LRP1B: variants seen among roughly 807,000 people sequenced by gnomAD.
LRP1B encodes low-density lipoprotein receptor-related protein 1B.
In LRP1B, 217 loss-of-function variants were observed where a neutral mutation model predicts 556.6. The ratio of observed to expected loss-of-function variants is 0.39; its 90% CI spans 0.35 to 0.44. The LOEUF is 0.44. Ranked by LOEUF, LRP1B falls within the 20% of genes least tolerant of loss-of-function variation. LRP1B has a pLI of 1.00. For missense variants in LRP1B, 5,053 were observed against 5,620.8 expected (o/e 0.90, Z 3.23); for synonymous variants, 2,047 against 1,865.8 (o/e 1.10, Z -2.50).
chr2:140,605,742 T>C (rs1682845426), intron 41 of LRP1B, among the ~76,000 whole-genome samples: 1 of 149,618 alleles, frequency 6.7e-6, no homozygotes, highest in Admixed American at 6.7e-5. Context: ...ATACGGTCTC[T>C]CTCATTGCAA....
chr2:141,742,762 C>G (rs1232915476), intron 2 of LRP1B, among the ~76,000 whole-genome samples: 1 of 151,966 alleles, frequency 6.6e-6, no homozygotes, highest in Non-Finnish European at 1.5e-5. Context: ...GAATATCTTC[C>G]CACTTTTTGG....
At chr2:141,039,035 T>C (rs1278908903) in intron 11 of LRP1B, among the ~76,000 whole-genome samples, 1 of 152,092 alleles carries the variant, frequency 6.6e-6, no homozygotes, top group Non-Finnish European at 1.5e-5. Context: ...AAATACTAAA[T>C]GGAAAATTCC....
In LRP1B at chr2:141,139,241, G is replaced by T. The variant is rs572694419; in HGVS notation, c.1013+49180C>A. Among the ~76,000 whole-genome samples the T allele has an allele frequency of 9.9e-5, 15 of 151,840 alleles. No homozygotes were observed. In the South Asian group the frequency reaches 2.9e-3, roughly 29 times the overall value. ...GATGAATCATAAAATGAAATGTAAA[G>T]TCCTGAACTATAAAACTCCTAGAAG... is the stretch of plus-strand genomic sequence containing the variant. On this transcript the variant is annotated intron_variant, in intron 7 of 90. Transcript: ENST00000389484.
At chr2:140,397,897 C>T (rs1684321961) in intron 66 of LRP1B, among the ~76,000 whole-genome samples, 1 of 152,106 alleles carries the variant, frequency 6.6e-6, no homozygotes, top group Admixed American at 6.6e-5. Context: ...TTATCTTGTT[C>T]TGTATACATT....
intron 1 of LRP1B, among the ~76,000 whole-genome samples, chr2:141,833,806 GA>G (rs1320743776): frequency 6.6e-5 from 10 of 151,768 alleles, no homozygotes; most frequent in South Asian, 2.1e-4. Context: ...AAGGAATAGA[GA>G]TGAGGGCACC....
chr2:142,040,763 A>G (rs1243426056), intron 1 of LRP1B, among the ~76,000 whole-genome samples: 1 of 151,398 alleles, frequency 6.6e-6, no homozygotes, highest in Admixed American at 6.6e-5. Context: ...TTCAAAGGAA[A>G]TGGAAGACTG....
intron 2 of LRP1B, among the ~76,000 whole-genome samples, chr2:141,531,005 C>T (rs578174356): frequency 3.6e-3 from 538 of 148,920 alleles, no homozygotes; most frequent in Non-Finnish European, 6.4e-3. Flanking sequence ...AAATTTTAAG[C>T]AAAGAAAGAA....
intron 2 of LRP1B, among the ~76,000 whole-genome samples, chr2:141,735,503 GT>G (rs5834863): frequency 7.9e-6 from 1 of 126,176 alleles, no homozygotes. Flanking sequence ...CAGCAAACAT[GT>G]TTTTTTTTTG....
At chr2:140,779,889 G>T (rs926530679) in intron 32 of LRP1B, among the ~76,000 whole-genome samples, 2 of 151,496 alleles carry the variant, frequency 1.3e-5, no homozygotes, top group East Asian at 3.9e-4. Flanking sequence ...AATAAGTCAA[G>T]ATAATGAGAA....
chr2:141,884,669 T>C (rs1029665991), intron 1 of LRP1B, among the ~76,000 whole-genome samples: 1 of 152,226 alleles, frequency 6.6e-6, no homozygotes, highest in African/African-American at 2.4e-5. Flanking sequence ...CAGTTGACAA[T>C]GTCTGAACAT....
At chr2:140,974,022 G>A (rs904290472) in intron 18 of LRP1B, among the ~76,000 whole-genome samples, 12 of 152,120 alleles carry the variant, frequency 7.9e-5, no homozygotes, top group African/African-American at 1.9e-4. Flanking sequence ...GAAAGAAGTG[G>A]TGTGTTTAAC....
intron 20 of LRP1B, among the ~76,000 whole-genome samples, chr2:140,938,922 A>G (rs1695312307): frequency 6.6e-6 from 1 of 152,102 alleles, no homozygotes; most frequent in Non-Finnish European, 1.5e-5. Flanking sequence ...AAACAATAAC[A>G]AAAGATATGG....
At chr2:141,472,549 T>TTAAAA (rs1559090297) in intron 3 of LRP1B, among the ~76,000 whole-genome samples, 1 of 151,952 alleles carries the variant, frequency 6.6e-6, no homozygotes, top group East Asian at 1.9e-4. Flanking sequence ...TCAAAAAAAA[T>TTAAAA]TAAAATCAAA....
intron 41 of LRP1B, among the ~76,000 whole-genome samples, chr2:140,648,391 A>G (rs1272862567): frequency 6.6e-6 from 1 of 152,122 alleles, no homozygotes; most frequent in Non-Finnish European, 1.5e-5. Context: ...TATGTATGTA[A>G]CAAACCTGTA....
intron 2 of LRP1B, among the ~76,000 whole-genome samples, chr2:141,788,247 A>C (rs918746944): frequency 6.6e-6 from 1 of 151,986 alleles, no homozygotes; most frequent in South Asian, 2.1e-4. Flanking sequence ...ATTTTATGAA[A>C]ACCTTCTTGG....
intron 2 of LRP1B, among the ~76,000 whole-genome samples, chr2:141,706,998 T>C (rs1046923046): frequency 1.3e-5 from 2 of 152,070 alleles, no homozygotes; most frequent in Non-Finnish European, 2.9e-5. Context: ...TCCTTATCAA[T>C]AGACAATCAA....
chr2:141,928,242 AGATTT>A (rs1320595027), intron 1 of LRP1B, among the ~76,000 whole-genome samples: 1 of 152,204 alleles, frequency 6.6e-6, no homozygotes, highest in Non-Finnish European at 1.5e-5. Context: ...ATATGCATTT[AGATTT>A]AAGTTGAATA....
intron 11 of LRP1B, among the ~76,000 whole-genome samples, chr2:141,046,010 G>A (rs1698857507): frequency 6.6e-6 from 1 of 151,980 alleles, no homozygotes; most frequent in Admixed American, 6.6e-5. Context: ...TTTCACCCAT[G>A]AGATTCCTCA....
chr2:140,555,723 T>C (rs1680708116), intron 43 of LRP1B, among the ~76,000 whole-genome samples: 1 of 152,096 alleles, frequency 6.6e-6, no homozygotes, highest in South Asian at 2.1e-4. Context: ...GGATTTTCAT[T>C]TGTAAATTTA....
Sources: gnomAD v4.1 joint callset for allele counts (sites outside exome capture counted in the v4.1 genomes callset) on GRCh38, gnomAD v4.1.1 for gene constraint, MANE v1.5 for transcripts, NCBI Gene and HGNC (gene_info 2026-07-23, HGNC 2026-07-21) for gene names.